Variants in CSRNP3 observed in about 807,000 individuals in gnomAD.
CSRNP3 encodes cysteine and serine rich nuclear protein 3, also known as cysteine/serine-rich nuclear protein 3.
A neutral mutation model predicts 48.0 loss-of-function variants in CSRNP3; 12 were observed. The observed-to-expected ratio is 0.25, with a 90% CI of 0.16 to 0.41. The LOEUF (loss-of-function observed/expected upper bound fraction) is 0.41, where lower values mean the gene tolerates loss of function less well. Ranked by LOEUF, CSRNP3 falls within the 10% of genes least tolerant of loss-of-function variation. The probability of loss-of-function intolerance (pLI) is 1.00; values close to 1 mark genes in which losing one functional copy is unlikely to be tolerated. For synonymous variants in CSRNP3, 263 were observed against 269.7 expected (o/e 0.98, Z 0.24); for missense variants, 580 against 724.4 (o/e 0.80, Z 2.29).
At chr2:165,516,547 T>C (rs1007307446) in intron 2 of CSRNP3, among the ~76,000 whole-genome samples, 2 of 152,158 alleles carry the variant, frequency 1.3e-5, no homozygotes, top group Admixed American at 1.3e-4. Flanking sequence ...CATATATACT[T>C]CAAAACATGT....
In CSRNP3 at chr2:165,602,128, G is replaced by T. The variant is rs922809967; in HGVS notation, c.148+6915G>T. ...TGACTCAATGCTTTTGTAAACAATG[G>T]AGGAGTGTTCAGGCCAAGCTGAACA... On this transcript the variant is annotated intron_variant, in intron 4 of 6. Coordinates refer to ENST00000651982, the MANE Select transcript of CSRNP3 (RefSeq NM_001172173.2). 2.6e-5 allele frequency among the ~76,000 whole-genome samples: 4 copies of T among 152,100 alleles called. No individual in the cohort carries two copies. In the South Asian group the frequency reaches 8.3e-4, roughly 32 times the overall value.
chr2:165,480,805 A>ATATAATAT (rs59965058), intron 1 of CSRNP3, among the ~76,000 whole-genome samples: 4 of 145,204 alleles, frequency 2.8e-5, no homozygotes, highest in Admixed American at 1.4e-4. Context: ...TATATAATAT[A>ATATAATAT]AAAATATATG....
chr2:165,617,945 C>G (rs75753928), intron 4 of CSRNP3, among the ~76,000 whole-genome samples: 2,822 of 152,232 alleles, frequency 0.019, 88 homozygotes, highest in African/African-American at 0.065. Context: ...TGGCAGGACC[C>G]CAAGGATGTC....
At position 165,687,856 on chromosome 2, in the gene CSRNP3, C is replaced by T. The variant is rs1262030795; in HGVS notation, c.*8103C>T. ...TTATCTGCTCAGAGTTGACACCCAA[C>T]TCAGAGTCAGAACTCACCAGAAGAT... is the stretch of plus-strand genomic sequence containing the variant. On this transcript the variant is annotated 3_prime_UTR_variant, in exon 7 of 7. Coordinates refer to ENST00000651982, the MANE Select transcript of CSRNP3 (RefSeq NM_001172173.2). 6.6e-6 allele frequency: 1 copy of T among 151,990 alleles called. No homozygotes were observed. The highest frequency in any genetic ancestry group is 1.5e-5 in the Non-Finnish European group (1 of 67,988). 9.4% of individuals were successfully genotyped at this position (151,990 alleles called of 1,614,324 possible).
chr2:165,555,909 G>A (rs1441780313), intron 3 of CSRNP3, among the ~76,000 whole-genome samples: 10 of 152,132 alleles, frequency 6.6e-5, no homozygotes, highest in East Asian at 3.9e-4. Flanking sequence ...AGACTGAGAC[G>A]GGAAGTGGAG....
chr2:165,624,739 C>T, intron 4 of CSRNP3, among the ~76,000 whole-genome samples: 1 of 152,198 alleles, frequency 6.6e-6, no homozygotes, highest in East Asian at 1.9e-4. Context: ...TTTCCTCCTC[C>T]TTCCCATCAC....
chr2:165,589,135 G>T (rs915907771), intron 3 of CSRNP3, among the ~76,000 whole-genome samples: 1 of 152,076 alleles, frequency 6.6e-6, no homozygotes, highest in Non-Finnish European at 1.5e-5. Flanking sequence ...TCCTCACCTG[G>T]CTCTGTATCT....
chr2:165,497,793 A>G (rs1684303165), intron 2 of CSRNP3, among the ~76,000 whole-genome samples: 2 of 152,128 alleles, frequency 1.3e-5, no homozygotes, highest in East Asian at 3.9e-4. Context: ...AGATCCCTAG[A>G]GTCTACCTCT....
chr2:165,564,347 T>C (rs1685272083), intron 3 of CSRNP3, among the ~76,000 whole-genome samples: 1 of 152,102 alleles, frequency 6.6e-6, no homozygotes, highest in Admixed American at 6.6e-5. Context: ...TTAAAATAAC[T>C]TTAATACAAC....
intron 4 of CSRNP3, among the ~76,000 whole-genome samples, chr2:165,597,222 AT>A (rs1365224028): frequency 6.6e-6 from 1 of 152,226 alleles, no homozygotes; most frequent in African/African-American, 2.4e-5. Flanking sequence ...TTCAACATTA[AT>A]TTCTAAATAT....
Position 165,676,671 on chromosome 2 carries a change from A to T in CSRNP3, c.705+63A>T, listed in dbSNP as rs1016444638. 25 of 1,471,100 alleles carry T rather than the reference A, an allele frequency of 1.7e-5. No individual in the cohort carries two copies. In the Admixed American group the frequency reaches 4.4e-4, roughly 26 times the overall value. 91.1% of individuals were successfully genotyped at this position (1,471,100 alleles called of 1,614,324 possible). A position where few individuals can be genotyped will look rare whatever the true frequency, so the allele number is the denominator to read the frequency against. On this transcript the variant is annotated intron_variant, in intron 6 of 6. Coordinates refer to ENST00000651982, the MANE Select transcript of CSRNP3 (RefSeq NM_001172173.2). Reference sequence around the variant, plus strand: ...ATTGTCTACCACCCCCTAAGGAGGCAGTCATGGTACCTATAATGAAGCTTC... The same window carrying T: ...ATTGTCTACCACCCCCTAAGGAGGCTGTCATGGTACCTATAATGAAGCTTC...
chr2:165,529,250 C>A (rs569577088), intron 3 of CSRNP3, among the ~76,000 whole-genome samples: 1 of 152,088 alleles, frequency 6.6e-6, no homozygotes, highest in Non-Finnish European at 1.5e-5. Context: ...GGGCCAGGGG[C>A]GAAATGATGT....
intron 3 of CSRNP3, among the ~76,000 whole-genome samples, chr2:165,562,456 T>G (rs936645385): frequency 2.0e-5 from 3 of 152,182 alleles, no homozygotes; most frequent in Non-Finnish European, 2.9e-5. Flanking sequence ...GATCCAATTC[T>G]CATAACCCTG....
At chr2:165,494,337 T>C (rs1316444050) in intron 1 of CSRNP3, among the ~76,000 whole-genome samples, 3 of 152,018 alleles carry the variant, frequency 2.0e-5, no homozygotes, top group Non-Finnish European at 4.4e-5. Flanking sequence ...CCAAGCAAGA[T>C]AGACATACTC....
intron 3 of CSRNP3, among the ~76,000 whole-genome samples, chr2:165,547,088 T>C (rs1308378023): frequency 1.3e-5 from 2 of 152,232 alleles, no homozygotes; most frequent in African/African-American, 4.8e-5. Flanking sequence ...TTTAAGTCTT[T>C]TTCTGTGGAC....
chr2:165,657,672 T>C, intron 4 of CSRNP3, 89 bp from the exon 5 acceptor site: 1 of 1,506,354 alleles, frequency 6.6e-7, no homozygotes, highest in Non-Finnish European at 9.1e-7. Flanking sequence ...TGGCCACAGA[T>C]AGATTCAAGA....
intron 3 of CSRNP3, among the ~76,000 whole-genome samples, chr2:165,588,186 G>C (rs1365566692): frequency 6.6e-5 from 10 of 152,186 alleles, no homozygotes; most frequent in Non-Finnish European, 1.3e-4. Context: ...ATGTCCTAAA[G>C]ACAGAGAGAA....
At chr2:165,546,949 A>G (rs1373386189) in intron 3 of CSRNP3, among the ~76,000 whole-genome samples, 1 of 152,224 alleles carries the variant, frequency 6.6e-6, no homozygotes, top group East Asian at 1.9e-4. Flanking sequence ...GAAGTACATT[A>G]GTAAGCATTG....
intron 5 of CSRNP3, among the ~76,000 whole-genome samples, chr2:165,664,291 T>C (rs1453664671): frequency 6.6e-6 from 1 of 152,222 alleles, no homozygotes; most frequent in Admixed American, 6.5e-5. Flanking sequence ...ACCAGGAATT[T>C]ATTGTATTAA....
Sources: gnomAD v4.1 joint callset for allele counts (sites outside exome capture counted in the v4.1 genomes callset) on GRCh38, gnomAD v4.1.1 for gene constraint, MANE v1.5 for transcripts, NCBI Gene and HGNC (gene_info 2026-07-23, HGNC 2026-07-21) for gene names.